The following PLCXD2 variants were observed in gnomAD, a reference collection of about 807,000 sequenced individuals.
PLCXD2 encodes the protein PI-PLC X domain-containing protein 2.
In PLCXD2, 21 loss-of-function variants were observed where a neutral mutation model predicts 28.6. The observed-to-expected ratio is 0.73, with a 90% CI of 0.52 to 1.06. The LOEUF (loss-of-function observed/expected upper bound fraction) is 1.06. Ranked by LOEUF, PLCXD2 falls within the 50% of genes least tolerant of loss-of-function variation. The pLI is 0.00. For synonymous variants in PLCXD2, 140 were observed against 150.1 expected (o/e 0.93, Z 0.49); for missense variants, 369 against 376.7 (o/e 0.98, Z 0.17).
At chr3:111,709,644 G>GTTAA (rs1447180345) in intron 2 of PLCXD2, among the ~76,000 whole-genome samples, 6 of 152,084 alleles carry the variant, frequency 3.9e-5, no homozygotes, top group Non-Finnish European at 8.8e-5. Context: ...ATTTGAAGGG[G>GTTAA]TTAATCACAT....
rs999312661 is a variant in PLCXD2 at position 111,717,370 on chromosome 3, T to A, written c.866+3242T>A. 3.0e-4 allele frequency among the ~76,000 whole-genome samples: 46 copies of A among 152,134 alleles called. 1 individual carries two copies. The highest frequency in any genetic ancestry group is 3.2e-3 in the Middle Eastern group (1 of 316). ...TTTTAACCTCCTGCTCTGCCATCCA[T>A]GGGAACTGTTGCCTCACGGGCCTGT... On this transcript the variant is annotated intron_variant, in intron 3 of 4. Transcript: ENST00000477665.
chr3:111,720,607 G>A, intron 3 of PLCXD2, 116 bp from the exon 4 acceptor site: 1 of 409,530 alleles, frequency 2.4e-6, no homozygotes, highest in Non-Finnish European at 4.4e-6. Flanking sequence ...GAAAGCTTGT[G>A]CTCTTATTAA....
At chr3:111,699,131 T>C (rs1205242191) in intron 1 of PLCXD2, among the ~76,000 whole-genome samples, 1 of 152,088 alleles carries the variant, frequency 6.6e-6, no homozygotes, top group Non-Finnish European at 1.5e-5. Context: ...ATATGTGAAG[T>C]CAGGAGTTCT....
chr3:111,698,364 C>T (rs1425364974), intron 1 of PLCXD2, among the ~76,000 whole-genome samples: 3 of 152,172 alleles, frequency 2.0e-5, no homozygotes, highest in Non-Finnish European at 2.9e-5. Flanking sequence ...ACTCAGGCAG[C>T]CTGACAACAG....
chr3:111,714,832 G>GTGTATA (rs1266592518), intron 3 of PLCXD2, among the ~76,000 whole-genome samples: 1 of 152,174 alleles, frequency 6.6e-6, no homozygotes, highest in African/African-American at 2.4e-5. Context: ...ACATGTGTAT[G>GTGTATA]TGTATATGTA....
intron 1 of PLCXD2, chr3:111,677,497 G>A (rs189321490): frequency 7.2e-5 from 11 of 152,252 alleles, no homozygotes; most frequent in African/African-American, 2.6e-4. Context: ...TAGCTATTAT[G>A]TACTGAGCAC....
intron 1 of PLCXD2, among the ~76,000 whole-genome samples, chr3:111,679,397 C>T (rs890571859): frequency 7.2e-5 from 11 of 152,152 alleles, no homozygotes; most frequent in African/African-American, 2.4e-4. Context: ...TAGTACTTCT[C>T]AACACATTGT....
At chr3:111,688,733 CCTTTTGGGTA>C (rs1940832126) in intron 1 of PLCXD2, among the ~76,000 whole-genome samples, 1 of 152,010 alleles carries the variant, frequency 6.6e-6, no homozygotes, top group Non-Finnish European at 1.5e-5. Context: ...GACCATACCT[CCTTTTGGGTA>C]AGGTTTAAAT....
chr3:111,691,842 G>A (rs532472281), intron 1 of PLCXD2, among the ~76,000 whole-genome samples: 1 of 152,188 alleles, frequency 6.6e-6, no homozygotes, highest in Non-Finnish European at 1.5e-5. Context: ...GGTAATCACT[G>A]CCCTGCAGGA....
chr3:111,687,718 G>A (rs1940815579), intron 1 of PLCXD2, among the ~76,000 whole-genome samples: 1 of 145,088 alleles, frequency 6.9e-6, no homozygotes, highest in African/African-American at 2.6e-5. Flanking sequence ...ACAGGGTCTT[G>A]CTCTGTCACC....
chr3:111,684,458 A>T (rs1250253345), intron 1 of PLCXD2, among the ~76,000 whole-genome samples: 2 of 152,004 alleles, frequency 1.3e-5, no homozygotes, highest in African/African-American at 4.8e-5. Context: ...GTTTGAGACT[A>T]GCCTGGCCAA....
chr3:111,714,377 C>A (rs1331068581), intron 3 of PLCXD2, among the ~76,000 whole-genome samples: 1 of 152,144 alleles, frequency 6.6e-6, no homozygotes, highest in Non-Finnish European at 1.5e-5. Flanking sequence ...TGCTATAAGG[C>A]AAAGCACATT....
chr3:111,688,641 G>A (rs1576455012), intron 1 of PLCXD2, among the ~76,000 whole-genome samples: 1 of 152,214 alleles, frequency 6.6e-6, no homozygotes, highest in East Asian at 1.9e-4. Context: ...ATGGCCCAAA[G>A]CTGTCAGGTA....
intron 1 of PLCXD2, among the ~76,000 whole-genome samples, chr3:111,675,863 GA>G (rs1222341925): frequency 6.6e-6 from 1 of 152,154 alleles, no homozygotes; most frequent in East Asian, 1.9e-4. Flanking sequence ...ACAAAAAATG[GA>G]TAAGCATTAG....
intron 2 of PLCXD2, among the ~76,000 whole-genome samples, chr3:111,710,007 G>C (rs1006931176): frequency 9.9e-5 from 15 of 152,192 alleles, no homozygotes; most frequent in Non-Finnish European, 2.9e-5. Context: ...TTTTGCATCT[G>C]TCAGAAGGTA....
chr3:111,699,257 A>G (rs1424212805), intron 1 of PLCXD2, among the ~76,000 whole-genome samples: 1 of 152,312 alleles, frequency 6.6e-6, no homozygotes, highest in Non-Finnish European at 1.5e-5. Context: ...TGTGGTCATC[A>G]TGTAATCTGA....
At chr3:111,714,578 G>C (rs1244741617) in intron 3 of PLCXD2, among the ~76,000 whole-genome samples, 1 of 152,162 alleles carries the variant, frequency 6.6e-6, no homozygotes, top group Admixed American at 6.5e-5. Flanking sequence ...TGAAGAAGCA[G>C]CTTAGGATGC....
chr3:111,688,193 C>T (rs976627368), intron 1 of PLCXD2, among the ~76,000 whole-genome samples: 1 of 152,166 alleles, frequency 6.6e-6, no homozygotes, highest in African/African-American at 2.4e-5. Flanking sequence ...AGAGGAAGCA[C>T]AAGCTGGAAG....
At chr3:111,688,081 T>C (rs1940822658) in intron 1 of PLCXD2, among the ~76,000 whole-genome samples, 1 of 152,184 alleles carries the variant, frequency 6.6e-6, no homozygotes, top group Admixed American at 6.5e-5. Flanking sequence ...CTACTATTAA[T>C]AGTTGCATGA....
Sources: allele counts gnomAD v4.1 joint callset (sites outside exome capture counted in the v4.1 genomes callset), GRCh38; gene constraint gnomAD v4.1.1; transcripts MANE v1.5; gene names NCBI Gene and HGNC (gene_info 2026-07-23, HGNC 2026-07-21).